The following PCED1B variants were observed in gnomAD, a reference collection of about 807,000 sequenced individuals.
The protein encoded by PCED1B is PC-esterase domain containing 1B, also known as PC-esterase domain-containing protein 1B.
For synonymous variants in PCED1B, 251 were observed against 246.1 expected (o/e 1.02, Z -0.19); for missense variants, 573 against 573.9 (o/e 1.00, Z 0.02).
chr12:47,164,627 C>T lies in PCED1B; in HGVS notation c.-525-51595C>T, dbSNP rs58818676. Among the ~76,000 whole-genome samples the T allele has an allele frequency of 5.1e-3, 783 of 152,334 alleles. 6 individuals are homozygous for T. Among genetic ancestry groups the T allele is most frequent in the African/African-American group, 0.017 (717 of 41,568 alleles). On this transcript the variant is annotated intron_variant, in intron 2 of 3. Coordinates refer to ENST00000546455, the MANE Select transcript of PCED1B (RefSeq NM_138371.3). ...GTGGTCTTGACAGTGGCCATGTTCC[C>T]ACAGATCCACTAGGCATTGCCCCTG...
At chr12:47,174,193 G>A (rs1047528208) in intron 2 of PCED1B, among the ~76,000 whole-genome samples, 9 of 151,976 alleles carry the variant, frequency 5.9e-5, no homozygotes, top group African/African-American at 2.2e-4. Flanking sequence ...TGGATCACTT[G>A]AGGCCAAGAA....
intron 1 of PCED1B, among the ~76,000 whole-genome samples, chr12:47,100,836 G>A (rs937153728): frequency 2.6e-5 from 4 of 152,176 alleles, no homozygotes; most frequent in Admixed American, 2.6e-4. Flanking sequence ...AGGAGGCCGA[G>A]GGGGGCAGAT....
At chr12:47,111,932 C>A (rs1487584152) in intron 2 of PCED1B, among the ~76,000 whole-genome samples, 28 of 152,300 alleles carry the variant, frequency 1.8e-4, no homozygotes, top group African/African-American at 6.3e-4. Flanking sequence ...CATGGGTTCT[C>A]TGATCGCTCA....
At chr12:47,086,741 A>C (rs555151876) in intron 1 of PCED1B, among the ~76,000 whole-genome samples, 1 of 152,284 alleles carries the variant, frequency 6.6e-6, no homozygotes, top group African/African-American at 2.4e-5. Flanking sequence ...CATCTGATTG[A>C]ATTCTTAAAC....
chr12:47,089,491 T>TATATATATATATATATATAG (rs1388678339), intron 1 of PCED1B, among the ~76,000 whole-genome samples: 2 of 83,988 alleles, frequency 2.4e-5, no homozygotes, highest in African/African-American at 1.1e-4. Flanking sequence ...TATATATATA[T>TATATATATATATATATATAG]ATGTATATAC....
intron 1 of PCED1B, among the ~76,000 whole-genome samples, chr12:47,099,952 C>G (rs555661731): frequency 5.3e-5 from 8 of 152,308 alleles, no homozygotes; most frequent in Admixed American, 3.3e-4. Context: ...ACATTTGCAT[C>G]AATGCAGGTA....
At chr12:47,126,314 T>A (rs1939886337) in intron 2 of PCED1B, among the ~76,000 whole-genome samples, 1 of 152,148 alleles carries the variant, frequency 6.6e-6, no homozygotes, top group African/African-American at 2.4e-5. Context: ...ATTATATTGA[T>A]GGTTTTCTAT....
chr12:47,089,461 C>CATGTATATATATAT lies in PCED1B; in HGVS notation c.-609+9738_-609+9739insGTATATATATATAT, dbSNP rs1233280547. On this transcript the variant is annotated intron_variant, in intron 1 of 3. Coordinates refer to ENST00000546455, the MANE Select transcript of PCED1B (RefSeq NM_138371.3). ...GACTCCATCTCAAAAAAAAAAAATA[C>CATGTATATATATAT]ATATATATATATATATATATATATA... Among the ~76,000 whole-genome samples the CATGTATATATATAT allele has an allele frequency of 3.6e-3, 227 of 63,380 alleles. 20 individuals carry two copies. The highest frequency in any genetic ancestry group is 0.011 in the Admixed American group (42 of 3,746). The allele number at this position is 63,380 out of a possible 152,430, so 41.6% of individuals were successfully genotyped here.
chr12:47,223,800 A>C (rs1943556265), intron 3 of PCED1B: 1 of 152,210 alleles, frequency 6.6e-6, no homozygotes, highest in Non-Finnish European at 1.5e-5. Context: ...GGGCTTGCTG[A>C]GCCAAAGGAT....
intron 3 of PCED1B, among the ~76,000 whole-genome samples, chr12:47,224,409 T>C (rs1244663388): frequency 2.0e-5 from 3 of 152,234 alleles, no homozygotes; most frequent in South Asian, 2.1e-4. Flanking sequence ...TACACTGCTT[T>C]AAGAATTTTT....
chr12:47,189,853 AC>A (rs1284485544), intron 2 of PCED1B, among the ~76,000 whole-genome samples: 3 of 152,254 alleles, frequency 2.0e-5, no homozygotes, highest in East Asian at 3.9e-4. Flanking sequence ...AAACTTCCAA[AC>A]AGAAGACTCT....
intron 2 of PCED1B, among the ~76,000 whole-genome samples, chr12:47,146,419 T>C (rs1422107344): frequency 6.6e-6 from 1 of 152,194 alleles, no homozygotes; most frequent in Admixed American, 6.5e-5. Flanking sequence ...TTGAAATAAG[T>C]CCTACTGTGG....
chr12:47,211,653 CAAAAAAA>C (rs760117906), intron 2 of PCED1B, among the ~76,000 whole-genome samples: 2 of 65,644 alleles, frequency 3.0e-5, no homozygotes, highest in African/African-American at 5.7e-5. Context: ...GACTCTGTCT[CAAAAAAA>C]AAAAAAAAAA....
At chr12:47,149,261 A>G (rs1273208870) in intron 2 of PCED1B, among the ~76,000 whole-genome samples, 1 of 152,186 alleles carries the variant, frequency 6.6e-6, no homozygotes, top group Non-Finnish European at 1.5e-5. Flanking sequence ...CACTCACCTT[A>G]AGTGCTTTCC....
chr12:47,147,244 T>G (rs1375055140), intron 2 of PCED1B, among the ~76,000 whole-genome samples: 1 of 152,198 alleles, frequency 6.6e-6, no homozygotes, highest in African/African-American at 2.4e-5. Context: ...CTCAAACTTC[T>G]GACCTCAAGT....
At chr12:47,127,493 C>T (rs569512354) in intron 2 of PCED1B, among the ~76,000 whole-genome samples, 3 of 151,288 alleles carry the variant, frequency 2.0e-5, no homozygotes, top group Admixed American at 6.6e-5. Context: ...CTCACCCTCC[C>T]GAGTAGCTGG....
chr12:47,234,297 T>C (rs1435472643), intron 3 of PCED1B, among the ~76,000 whole-genome samples: 2 of 152,220 alleles, frequency 1.3e-5, no homozygotes, highest in African/African-American at 4.8e-5. Context: ...CCTGTTTTTA[T>C]GCTCTTGAGC....
chr12:47,204,075 G>T (rs551582506), intron 2 of PCED1B, among the ~76,000 whole-genome samples: 2 of 152,228 alleles, frequency 1.3e-5, no homozygotes, highest in East Asian at 3.9e-4. Flanking sequence ...CTCCCAAGTA[G>T]CTGGGACTAC....
intron 2 of PCED1B, among the ~76,000 whole-genome samples, chr12:47,116,245 C>CA (rs1276322294): frequency 1.3e-5 from 2 of 152,028 alleles, no homozygotes; most frequent in African/African-American, 2.4e-5. Context: ...GCCTTGATTA[C>CA]AAAAAAGATG....
Sources: allele counts gnomAD v4.1 joint callset (sites outside exome capture counted in the v4.1 genomes callset), GRCh38; gene constraint gnomAD v4.1.1; transcripts MANE v1.5; gene names NCBI Gene and HGNC (gene_info 2026-07-23, HGNC 2026-07-21).